The following RNF180 variants were observed in gnomAD, a reference collection of about 807,000 sequenced individuals.
RNF180 encodes the protein E3 ubiquitin-protein ligase RNF180.
In RNF180, 38 loss-of-function variants were observed where a neutral mutation model predicts 59.2. That is an observed-to-expected ratio of 0.64 (90% CI 0.50 to 0.84). The LOEUF is 0.84. Ranked by LOEUF, RNF180 falls within the 40% of genes least tolerant of loss-of-function variation. RNF180 has a pLI of 0.00. For missense variants in RNF180, 705 were observed against 700.9 expected, an observed-to-expected ratio of 1.01 and a Z score of -0.07; for synonymous variants, 262 against 240.3, an observed-to-expected ratio of 1.09 and a Z score of -0.84.
chr5:64,273,363 G>A (rs565745934), intron 5 of RNF180, among the ~76,000 whole-genome samples: 2 of 152,058 alleles, frequency 1.3e-5, no homozygotes, highest in African/African-American at 4.8e-5. Context: ...TGCTCTGCCT[G>A]TGAAATAGCC....
At chr5:64,314,291 T>A (rs1053136539) in intron 5 of RNF180, among the ~76,000 whole-genome samples, 2 of 152,100 alleles carry the variant, frequency 1.3e-5, no homozygotes, top group Admixed American at 1.3e-4. Flanking sequence ...TGCCAACATT[T>A]TTTTTTACTA....
intron 5 of RNF180, among the ~76,000 whole-genome samples, chr5:64,279,737 C>T (rs1741910099): frequency 6.6e-6 from 1 of 152,090 alleles, no homozygotes; most frequent in Non-Finnish European, 1.5e-5. Flanking sequence ...CCTACTACAT[C>T]CTATGATGAG....
At chr5:64,296,697 G>A (rs956021311) in intron 5 of RNF180, among the ~76,000 whole-genome samples, 8 of 151,958 alleles carry the variant, frequency 5.3e-5, no homozygotes, top group African/African-American at 1.9e-4. Context: ...TAATGAGTCA[G>A]ATGTGCTGCT....
intron 1 of RNF180, among the ~76,000 whole-genome samples, chr5:64,170,610 A>G (rs1020443243): frequency 1.2e-4 from 19 of 152,232 alleles, no homozygotes; most frequent in Admixed American, 6.5e-5. Flanking sequence ...TAAGAGGGAT[A>G]AGAATCTTAT....
At chr5:64,201,874 G>A (rs563063823) in intron 2 of RNF180, among the ~76,000 whole-genome samples, 1 of 152,058 alleles carries the variant, frequency 6.6e-6, no homozygotes, top group Admixed American at 6.6e-5. Flanking sequence ...CAAGTAGCTG[G>A]GATTACAGGT....
At chr5:64,175,903 A>G (rs1750206487) in intron 1 of RNF180, among the ~76,000 whole-genome samples, 1 of 152,164 alleles carries the variant, frequency 6.6e-6, no homozygotes, top group African/African-American at 2.4e-5. Flanking sequence ...TTTTTCAGAT[A>G]ATTCTCTATT....
intron 5 of RNF180, among the ~76,000 whole-genome samples, chr5:64,235,515 G>T (rs2112215648): frequency 6.6e-6 from 1 of 151,840 alleles, no homozygotes; most frequent in African/African-American, 2.4e-5. Flanking sequence ...ACTCTCAGAT[G>T]GGTTTTCACA....
At chr5:64,189,592 T>C (rs367813433) in intron 1 of RNF180, among the ~76,000 whole-genome samples, 26 of 152,336 alleles carry the variant, frequency 1.7e-4, no homozygotes, top group African/African-American at 5.3e-4. Context: ...AGCGAAGTGT[T>C]GAAGATGTGG....
intron 7 of RNF180, among the ~76,000 whole-genome samples, chr5:64,342,891 A>G (rs563423113): frequency 9.9e-4 from 151 of 152,302 alleles, no homozygotes; most frequent in African/African-American, 3.4e-3. Flanking sequence ...AACACAGCGT[A>G]GGTCATGTGT....
At chr5:64,244,821 G>GT (rs1416625962) in intron 5 of RNF180, among the ~76,000 whole-genome samples, 3 of 152,158 alleles carry the variant, frequency 2.0e-5, no homozygotes, top group Admixed American at 2.0e-4. Context: ...AGGAAAAAAC[G>GT]TTAAGGGCAG....
intron 5 of RNF180, among the ~76,000 whole-genome samples, chr5:64,266,324 T>C (rs1405607213): frequency 6.6e-6 from 1 of 152,170 alleles, no homozygotes; most frequent in East Asian, 1.9e-4. Flanking sequence ...GTTCTGTTAC[T>C]AGCAAAACTG....
At chr5:64,355,963 A>C (rs1746003940) in intron 7 of RNF180, among the ~76,000 whole-genome samples, 1 of 151,942 alleles carries the variant, frequency 6.6e-6, no homozygotes, top group African/African-American at 2.4e-5. Flanking sequence ...GTGGAGTCTT[A>C]GATATGACAT....
chr5:64,213,474 G>A (rs1752417849), intron 3 of RNF180, 84 bp from the exon 4 acceptor site: 1 of 1,287,542 alleles, frequency 7.8e-7, no homozygotes, highest in Non-Finnish European at 1.1e-6. Flanking sequence ...AAACTTTCAT[G>A]TGGCTGGCTT....
intron 5 of RNF180, among the ~76,000 whole-genome samples, chr5:64,293,397 C>T (rs77900261): frequency 0.024 from 3,596 of 152,126 alleles, 130 homozygotes; most frequent in African/African-American, 0.075. Flanking sequence ...AGCCACGGAC[C>T]GCAGCTGCTT....
At chr5:64,358,747 C>T (rs943491980) in intron 7 of RNF180, among the ~76,000 whole-genome samples, 5 of 150,516 alleles carry the variant, frequency 3.3e-5, no homozygotes, top group African/African-American at 9.7e-5. Context: ...TCCACTAACT[C>T]GTCATCTAGC....
intron 5 of RNF180, among the ~76,000 whole-genome samples, chr5:64,248,651 G>T (rs997453887): frequency 7.2e-5 from 11 of 152,304 alleles, no homozygotes; most frequent in African/African-American, 2.6e-4. Flanking sequence ...CCTTTACACT[G>T]TTGGTGGGAG....
chr5:64,280,843 T>C (rs1431156731), intron 5 of RNF180, among the ~76,000 whole-genome samples: 1 of 152,168 alleles, frequency 6.6e-6, no homozygotes, highest in Non-Finnish European at 1.5e-5. Context: ...GAAAATGTCA[T>C]TGGTAGTTTG....
chr5:64,308,325 C>A (rs890326673), intron 5 of RNF180, among the ~76,000 whole-genome samples: 2 of 151,730 alleles, frequency 1.3e-5, no homozygotes, highest in Admixed American at 6.6e-5. Context: ...AAACTGTAAT[C>A]TTATGTGCAT....
rs796827363 is a variant in RNF180 at position 64,361,271 on chromosome 5, A to C, written c.1580-8344A>C. On this transcript the variant is annotated intron_variant, in intron 7 of 7. Transcript: ENST00000389100. ...AAGTTGAGTTCCTTAGTATCAAAAAACCAGTATTAAAGACATATGGAATTT... is the reference window on the plus strand; with the variant it reads ...AAGTTGAGTTCCTTAGTATCAAAAACCCAGTATTAAAGACATATGGAATTT... Among the ~76,000 whole-genome samples, 12 of 149,862 alleles carry C rather than the reference A, an allele frequency of 8.0e-5. No homozygotes were observed. The South Asian group carries it at 2.3e-3, about 29-fold the overall frequency.
Sources: allele counts gnomAD v4.1 joint callset (sites outside exome capture counted in the v4.1 genomes callset), GRCh38; gene constraint gnomAD v4.1.1; transcripts MANE v1.5; gene names NCBI Gene and HGNC (gene_info 2026-07-23, HGNC 2026-07-21).